Variants in RBFOX1 observed in about 807,000 individuals in gnomAD.
RBFOX1 encodes RNA binding protein fox-1 homolog 1.
Under a neutral mutation model 57.7 loss-of-function variants are expected in RBFOX1, and 8 were observed. That is an observed-to-expected ratio of 0.14 (90% CI 0.08 to 0.25). RBFOX1 has a LOEUF of 0.25. Among genes scored for constraint, RBFOX1 ranks in the 10% least tolerant of loss-of-function variants. The pLI is 1.00. For missense variants in RBFOX1, 611 were observed against 548.5 expected (o/e 1.11, Z -1.14); for synonymous variants, 326 against 222.4 (o/e 1.47, Z -4.15).
chr16:7,176,711 A>G (rs116048558), intron 4 of RBFOX1, among the ~76,000 whole-genome samples: 1,601 of 152,324 alleles, frequency 0.011, 27 homozygotes, highest in African/African-American at 0.036. Flanking sequence ...GAATGAAACA[A>G]TGAACACAAT....
chr16:5,479,870 T>G (rs766384081), intron 2 of RBFOX1, among the ~76,000 whole-genome samples: 4 of 152,142 alleles, frequency 2.6e-5, no homozygotes, highest in African/African-American at 7.2e-5. Context: ...GCTTCCTGTT[T>G]CCCACCAGGC....
intron 3 of RBFOX1, among the ~76,000 whole-genome samples, chr16:5,773,319 T>A (rs559379417): frequency 5.4e-4 from 82 of 152,360 alleles, no homozygotes; most frequent in Non-Finnish European, 9.8e-4. Context: ...GTAAGTATCA[T>A]TAACATGTTC....
At chr16:7,311,335 G>A (rs897640603) in intron 4 of RBFOX1, among the ~76,000 whole-genome samples, 1 of 152,100 alleles carries the variant, frequency 6.6e-6, no homozygotes, top group Admixed American at 6.5e-5. Context: ...GTTAGTGTGT[G>A]TTCCCAGGGA....
At chr16:5,988,179 T>C (rs1427456105) in intron 4 of RBFOX1, among the ~76,000 whole-genome samples, 2 of 152,208 alleles carry the variant, frequency 1.3e-5, no homozygotes, top group East Asian at 3.8e-4. Flanking sequence ...GAGGTGCAAA[T>C]GTAATATAAT....
chr16:7,012,597 A>G (rs2153658181), intron 3 of RBFOX1, among the ~76,000 whole-genome samples: 1 of 152,298 alleles, frequency 6.6e-6, no homozygotes, highest in Middle Eastern at 3.4e-3. Context: ...TGCTGCTAAC[A>G]AAACATTGGA....
chr16:6,161,669 G>A (rs752520843), intron 1 of RBFOX1, among the ~76,000 whole-genome samples: 1 of 152,204 alleles, frequency 6.6e-6, no homozygotes, highest in Non-Finnish European at 1.5e-5. Context: ...CTTTGAAAGA[G>A]CTGGAGCTGA....
intron 3 of RBFOX1, among the ~76,000 whole-genome samples, chr16:6,723,377 A>G (rs561567193): frequency 6.6e-6 from 1 of 152,180 alleles, no homozygotes; most frequent in Non-Finnish European, 1.5e-5. Flanking sequence ...GCAACTGTGG[A>G]TTAAAAAGAT....
intron 11 of RBFOX1, among the ~76,000 whole-genome samples, chr16:7,651,083 A>G (rs1390118454): frequency 1.3e-5 from 2 of 152,202 alleles, no homozygotes; most frequent in Non-Finnish European, 2.9e-5. Flanking sequence ...AAAGTTAAAA[A>G]TAACCTTTAT....
intron 4 of RBFOX1, among the ~76,000 whole-genome samples, chr16:7,303,718 C>G (rs1323200016): frequency 2.6e-5 from 4 of 151,968 alleles, no homozygotes; most frequent in Admixed American, 6.5e-5. Context: ...CAAAACCTCT[C>G]TTCCTCTCTT....
At chr16:7,699,186 A>G (rs564770799) in intron 14 of RBFOX1, among the ~76,000 whole-genome samples, 45 of 152,274 alleles carry the variant, frequency 3.0e-4, no homozygotes, top group African/African-American at 1.0e-3. Flanking sequence ...TAACTGATCA[A>G]TCAGGGACCT....
intron 3 of RBFOX1, among the ~76,000 whole-genome samples, chr16:5,672,365 T>C (rs2050038490): frequency 1.3e-5 from 2 of 152,162 alleles, no homozygotes; most frequent in African/African-American, 2.4e-5. Flanking sequence ...GTGCTGTCTC[T>C]AGTGCTTCCC....
chr16:7,701,423 C>A (rs921207196), intron 14 of RBFOX1, among the ~76,000 whole-genome samples: 4 of 152,174 alleles, frequency 2.6e-5, no homozygotes, highest in African/African-American at 9.7e-5. Context: ...GAGCACCAAC[C>A]CTACTGTAAA....
intron 3 of RBFOX1, among the ~76,000 whole-genome samples, chr16:7,041,366 A>G (rs1207461327): frequency 1.3e-5 from 2 of 152,122 alleles, no homozygotes; most frequent in Non-Finnish European, 2.9e-5. Flanking sequence ...TCAAAGGGCA[A>G]TGCATTTCCT....
At chr16:6,181,993 A>T (rs1030384202) in intron 1 of RBFOX1, among the ~76,000 whole-genome samples, 1 of 152,136 alleles carries the variant, frequency 6.6e-6, no homozygotes, top group African/African-American at 2.4e-5. Flanking sequence ...ATCATTTCTG[A>T]TCATACTGTA....
chr16:6,912,597 CTT>C (rs2071943432), intron 3 of RBFOX1, among the ~76,000 whole-genome samples: 1 of 139,968 alleles, frequency 7.1e-6, no homozygotes, highest in Non-Finnish European at 1.5e-5. Flanking sequence ...TTCTTGCTTT[CTT>C]TTCTTGTGTG....
chr16:7,038,778 G>C (rs1171156836), intron 3 of RBFOX1, among the ~76,000 whole-genome samples: 1 of 152,142 alleles, frequency 6.6e-6, no homozygotes, highest in African/African-American at 2.4e-5. Context: ...TGATTAATCT[G>C]TCTGGACCTG....
intron 4 of RBFOX1, among the ~76,000 whole-genome samples, chr16:6,011,451 A>G (rs1026686052): frequency 6.6e-5 from 10 of 152,258 alleles, no homozygotes; most frequent in African/African-American, 2.2e-4. Context: ...AGATTTAAAA[A>G]CGAAGTCTTG....
At chr16:7,266,330 C>T (rs1197218491) in intron 4 of RBFOX1, among the ~76,000 whole-genome samples, 1 of 152,142 alleles carries the variant, frequency 6.6e-6, no homozygotes, top group African/African-American at 2.4e-5. Flanking sequence ...CTCTCGCCCT[C>T]TTGCTCCTGC....
chr16:6,867,508 C>A (rs779341770), intron 3 of RBFOX1, among the ~76,000 whole-genome samples: 5 of 152,074 alleles, frequency 3.3e-5, no homozygotes, highest in Non-Finnish European at 7.4e-5. Context: ...CACTTGAGGT[C>A]AGGAGTTCGA....
Sources: gnomAD v4.1 joint callset for allele counts (sites outside exome capture counted in the v4.1 genomes callset) on GRCh38, gnomAD v4.1.1 for gene constraint, MANE v1.5 for transcripts, NCBI Gene and HGNC (gene_info 2026-07-23, HGNC 2026-07-21) for gene names.